ERC2: variants seen among roughly 807,000 people sequenced by gnomAD.
ERC2 encodes ELKS/RAB6-interacting/CAST family member 2.
In ERC2, 42 loss-of-function variants were observed where a neutral mutation model predicts 114.8. That is an observed-to-expected ratio of 0.37 (90% confidence interval 0.29 to 0.47). The LOEUF (loss-of-function observed/expected upper bound fraction) is 0.47, where lower values mean the gene tolerates loss of function less well. ERC2 is among the 20% of genes least tolerant of loss of function. ERC2 has a pLI of 0.99. For missense variants in ERC2, 939 were observed against 1,150.7 expected, an observed-to-expected ratio of 0.82 and a Z score of 2.66; for synonymous variants, 454 against 425.5, an observed-to-expected ratio of 1.07 and a Z score of -0.82.
chr3:55,814,055 G>T (rs2059818471), intron 14 of ERC2, among the ~76,000 whole-genome samples: 1 of 152,188 alleles, frequency 6.6e-6, no homozygotes, highest in Non-Finnish European at 1.5e-5. Context: ...AGAGGAAGAT[G>T]AAAGCATTTA....
intron 3 of ERC2, among the ~76,000 whole-genome samples, chr3:56,238,702 G>A (rs183522252): frequency 6.8e-4 from 103 of 152,264 alleles, no homozygotes; most frequent in African/African-American, 2.4e-3. Context: ...CACTTCTCCA[G>A]GCCCCAGCAA....
chr3:55,617,918 C>T (rs2148587775), intron 17 of ERC2, among the ~76,000 whole-genome samples: 1 of 152,254 alleles, frequency 6.6e-6, no homozygotes, highest in African/African-American at 2.4e-5. Context: ...GCCTAGAAAT[C>T]TTTACTTACA....
intron 17 of ERC2, among the ~76,000 whole-genome samples, chr3:55,590,066 T>C (rs2057796984): frequency 6.6e-6 from 1 of 152,164 alleles, no homozygotes; most frequent in African/African-American, 2.4e-5. Flanking sequence ...AATAAGACAA[T>C]ACATTTTTTT....
chr3:56,390,103 C>G (rs752458937), intron 2 of ERC2, among the ~76,000 whole-genome samples: 6 of 151,790 alleles, frequency 4.0e-5, no homozygotes, highest in Admixed American at 6.6e-5. Flanking sequence ...TATGTTCTTA[C>G]AATGAAAAAA....
intron 15 of ERC2, among the ~76,000 whole-genome samples, chr3:55,703,032 G>A (rs1392068147): frequency 6.6e-6 from 1 of 152,188 alleles, no homozygotes; most frequent in Non-Finnish European, 1.5e-5. Context: ...CGTCATGACT[G>A]TGGAGACAAA....
At chr3:55,747,318 A>T in intron 14 of ERC2, among the ~76,000 whole-genome samples, 1 of 151,498 alleles carries the variant, frequency 6.6e-6, no homozygotes. Flanking sequence ...TTTTTTTTTT[A>T]AAGAGGTCAT....
rs1559689349 is a variant in ERC2, at chr3:55,808,729, ATATATATATAT to A, written c.2565-73822_2565-73812del. ...TATATATATATATATATATATATAT[ATATATATATAT>A]ATAACGTATAACTAAACATATATAT... On this transcript the variant is annotated intron_variant, in intron 14 of 17. Coordinates refer to ENST00000288221, the MANE Select transcript of ERC2 (RefSeq NM_015576.3). Among the ~76,000 whole-genome samples the A allele has an allele frequency of 1.9e-4, 22 of 115,378 alleles. 1 individual carries two copies. The highest frequency in any genetic ancestry group is 3.3e-4 in the African/African-American group (9 of 27,126). The allele number at this position is 115,378 out of a possible 152,430, so 75.7% of individuals were successfully genotyped here.
intron 2 of ERC2, among the ~76,000 whole-genome samples, chr3:56,318,823 G>T (rs375961607): frequency 6.6e-6 from 1 of 151,420 alleles, no homozygotes; most frequent in African/African-American, 2.4e-5. Flanking sequence ...GCAGTGGTTC[G>T]TGCCTATATC....
intron 10 of ERC2, among the ~76,000 whole-genome samples, chr3:55,998,319 A>T (rs774464711): frequency 6.6e-6 from 1 of 152,032 alleles, no homozygotes; most frequent in Non-Finnish European, 1.5e-5. Flanking sequence ...CCCCAAACAA[A>T]ACTGTAATTA....
intron 6 of ERC2, among the ~76,000 whole-genome samples, chr3:56,134,352 G>A (rs760277210): frequency 2.6e-5 from 4 of 152,126 alleles, no homozygotes; most frequent in Non-Finnish European, 5.9e-5. Context: ...ATATATCCAC[G>A]TGTCTAAAAG....
chr3:56,341,044 C>T (rs371933664), intron 2 of ERC2, among the ~76,000 whole-genome samples: 1 of 152,292 alleles, frequency 6.6e-6, no homozygotes, highest in East Asian at 1.9e-4. Flanking sequence ...ATCCTTCTTC[C>T]TCTGTTTTAA....
intron 3 of ERC2, among the ~76,000 whole-genome samples, chr3:56,275,226 T>A (rs2053915861): frequency 2.0e-5 from 3 of 152,202 alleles, no homozygotes; most frequent in Non-Finnish European, 4.4e-5. Flanking sequence ...CAGATTTTTT[T>A]ATGACCTCCT....
intron 6 of ERC2, among the ~76,000 whole-genome samples, chr3:56,112,818 C>A (rs2079032138): frequency 6.6e-6 from 1 of 152,078 alleles, no homozygotes; most frequent in Admixed American, 6.6e-5. Flanking sequence ...TTTCCCATTT[C>A]CACCGGGAGG....
At chr3:55,663,808 G>C (rs2061242157) in intron 17 of ERC2, among the ~76,000 whole-genome samples, 2 of 152,136 alleles carry the variant, frequency 1.3e-5, no homozygotes, top group Non-Finnish European at 2.9e-5. Flanking sequence ...AAGCAAACAT[G>C]AGTACCACAC....
intron 17 of ERC2, among the ~76,000 whole-genome samples, chr3:55,618,878 AT>A (rs1026085154): frequency 3.3e-5 from 5 of 152,364 alleles, no homozygotes; most frequent in Admixed American, 3.3e-4. Flanking sequence ...CTGAAACAAC[AT>A]CATGGGAAGA....
intron 13 of ERC2, among the ~76,000 whole-genome samples, chr3:55,892,783 T>C (rs2063673215): frequency 6.6e-6 from 1 of 152,208 alleles, no homozygotes; most frequent in Non-Finnish European, 1.5e-5. Flanking sequence ...TTTTCTTTTG[T>C]AATTAAATTG....
At chr3:55,738,109 T>C (rs1442799186) in intron 14 of ERC2, among the ~76,000 whole-genome samples, 3 of 152,156 alleles carry the variant, frequency 2.0e-5, no homozygotes, top group Non-Finnish European at 4.4e-5. Flanking sequence ...AAGTCCTTTA[T>C]CTTTGGCCCA....
At chr3:56,299,606 T>A (rs1189623316) in intron 2 of ERC2, among the ~76,000 whole-genome samples, 1 of 151,670 alleles carries the variant, frequency 6.6e-6, no homozygotes, top group Non-Finnish European at 1.5e-5. Context: ...ATTTTTGTAT[T>A]TTTTGTAGAG....
Position 55,980,106 on chromosome 3 carries a change from GA to G in ERC2, c.2267+5870del, listed in dbSNP as rs35299238. On this transcript the variant is annotated intron_variant, in intron 12 of 17. Transcript: ENST00000288221. ...CTATGTTTGCACGAAGTGTAAATTA[GA>G]AAAAAAAAAAAAAAAGCTTTTTGTC... 8.4e-3 allele frequency among the ~76,000 whole-genome samples: 680 copies of G among 81,220 alleles called. 3 individuals carry two copies. The highest frequency in any genetic ancestry group is 0.019 in the East Asian group (67 of 3,446). 53.3% of individuals were successfully genotyped at this position (81,220 alleles called of 152,430 possible). A position where few individuals can be genotyped will look rare whatever the true frequency, so the allele number is the denominator to read the frequency against.
Sources: gnomAD v4.1 joint callset for allele counts (sites outside exome capture counted in the v4.1 genomes callset) on GRCh38, gnomAD v4.1.1 for gene constraint, MANE v1.5 for transcripts, NCBI Gene and HGNC (gene_info 2026-07-23, HGNC 2026-07-21) for gene names.